RNF214: variants seen among roughly 807,000 people sequenced by gnomAD.
RNF214 encodes ring finger protein 214.
In RNF214, 25 loss-of-function variants were observed where a neutral mutation model predicts 75.9. The ratio of observed to expected loss-of-function variants is 0.33; its 90% CI spans 0.24 to 0.46. RNF214 has a LOEUF of 0.46. Ranked by LOEUF, RNF214 falls within the 20% of genes least tolerant of loss-of-function variation. The pLI is 1.00. For synonymous variants in RNF214, 314 were observed against 308.8 expected, an observed-to-expected ratio of 1.02 and a Z score of -0.18; for missense variants, 725 against 857.5, an observed-to-expected ratio of 0.85 and a Z score of 1.93.
chr11:117,285,073 T>C lies in RNF214; in HGVS notation c.2047-13T>C. 6.3e-7 allele frequency: 1 copy of C among 1,598,224 alleles called. No homozygotes were observed. The highest frequency in any genetic ancestry group is 1.3e-5 in the African/African-American group (1 of 74,664). ...TCCAGATAAACCTGAGGTGTGTCTT[T>C]CTTTCTTTCCAGTGTATCAAATTCT... On this transcript the variant is annotated splice_polypyrimidine_tract_variant and intron_variant, in intron 14 of 14. Transcript: ENST00000300650.
chr11:117,236,550 G>T (rs750081017), intron 2 of RNF214, among the ~76,000 whole-genome samples: 6 of 152,204 alleles, frequency 3.9e-5, no homozygotes, highest in Non-Finnish European at 7.3e-5. Flanking sequence ...GGGATTACAG[G>T]CATGAGCCAC....
At chr11:117,256,443 G>A (rs12575964) in intron 6 of RNF214, among the ~76,000 whole-genome samples, 15,195 of 152,190 alleles carry the variant, frequency 0.1, 1,379 homozygotes, top group East Asian at 0.44. Context: ...CTCCGGTCAG[G>A]TTGTGGCTGG....
chr11:117,239,759 G>T (rs1241657962), intron 3 of RNF214, 42 bp from the exon 4 acceptor site: 1 of 1,088,382 alleles, frequency 9.2e-7, no homozygotes, highest in East Asian at 2.4e-5. Context: ...CTCTTTTAAA[G>T]TGTCTCTGAA....
At chr11:117,263,368 T>C (rs555862) in intron 6 of RNF214, among the ~76,000 whole-genome samples, 1 of 151,562 alleles carries the variant, frequency 6.6e-6, no homozygotes, top group African/African-American at 2.4e-5. Context: ...CTCCGCCTAC[T>C]GGGTGCAAGC....
chr11:117,274,247 G>A (rs2033965982), intron 6 of RNF214, among the ~76,000 whole-genome samples: 1 of 151,836 alleles, frequency 6.6e-6, no homozygotes, highest in African/African-American at 2.4e-5. Flanking sequence ...AGAACTCAGT[G>A]GTGGGTAACT....
intron 1 of RNF214, among the ~76,000 whole-genome samples, chr11:117,233,567 G>A (rs1373821001): frequency 6.6e-6 from 1 of 152,174 alleles, no homozygotes; most frequent in Admixed American, 6.5e-5. Context: ...ATGACCTTTT[G>A]ATTTTTAAAA....
rs2034230190 is a variant in RNF214 at position 117,285,265 on chromosome 11, T to G, written c.*114T>G. ...GACATATACTCATGCCATGTACATT[T>G]TTATTATATAGGTAATGTGTGTATA... On this transcript the variant is annotated 3_prime_UTR_variant, in exon 15 of 15. Transcript: ENST00000300650. 1.4e-6 allele frequency: 1 copy of G among 706,550 alleles called. No individual in the cohort carries two copies. Among genetic ancestry groups the G allele is most frequent in the Non-Finnish European group, 2.5e-6 (1 of 397,002 alleles). 43.8% of individuals were successfully genotyped at this position (706,550 alleles called of 1,614,324 possible). A position where few individuals can be genotyped will look rare whatever the true frequency, so the allele number is the denominator to read the frequency against.
At chr11:117,275,467 C>T (rs982012717) in intron 6 of RNF214, among the ~76,000 whole-genome samples, 2 of 152,128 alleles carry the variant, frequency 1.3e-5, no homozygotes, top group Non-Finnish European at 1.5e-5. Flanking sequence ...AAAGTTGTTT[C>T]TTTGAAACGA....
rs1400763795 is a variant in RNF214, at chr11:117,281,878, C to G, written c.1336-16C>G. On this transcript the variant is annotated splice_polypyrimidine_tract_variant and intron_variant, in intron 10 of 14. Transcript: ENST00000300650. Reference sequence around the variant, plus strand: ...TCTTCCTTTCTCTCTCGTCCTCTACCTCTTCTCCTCTGCAGACAGACTTCA... The same window carrying G: ...TCTTCCTTTCTCTCTCGTCCTCTACGTCTTCTCCTCTGCAGACAGACTTCA... 2 of 1,609,936 alleles carry G rather than the reference C, an allele frequency of 1.2e-6. No individual in the cohort carries two copies. Among genetic ancestry groups the G allele is most frequent in the Admixed American group, 1.7e-5 (1 of 59,632 alleles).
chr11:117,282,469 T>C lies in RNF214; in HGVS notation c.1778T>C (p.Met593Thr). Residue 593 changes from methionine to threonine, a missense_variant, in exon 12 of 15, where the codon ATG (methionine) becomes ACG (threonine). Physicochemically the swap from Met to Thr is moderately conservative, Grantham distance 81. Transcript: ENST00000300650. ...TARTTMAGLTMEELIQLVAAR... is the reference protein window; with the variant it reads ...TARTTMAGLTTEELIQLVAAR... The stretch of plus-strand genomic sequence containing the variant: ...CGTACCACCATGGCAGGCCTGACCA[T>C]GGAGGAACTTATCCAGTTGGTTGCT... The C allele has an allele frequency of 6.2e-7, 1 of 1,614,164 alleles. No homozygotes were observed. Among genetic ancestry groups the C allele is most frequent in the Non-Finnish European group, 8.5e-7 (1 of 1,180,018 alleles).
Position 117,264,507 on chromosome 11 carries a change from T to A in RNF214, c.960-15401T>A, listed in dbSNP as rs143622843. On this transcript the variant is annotated intron_variant, in intron 6 of 14. Coordinates refer to ENST00000300650, the MANE Select transcript of RNF214 (RefSeq NM_207343.4). Reference sequence around the variant, plus strand: ...AGTTGTATTTTGGATACACCTACTATGTACCCACAAAAATTAAAAATTAAA... The same window carrying A: ...AGTTGTATTTTGGATACACCTACTAAGTACCCACAAAAATTAAAAATTAAA... Among the ~76,000 whole-genome samples the A allele has an allele frequency of 4.4e-3, 670 of 152,248 alleles. 2 individuals are homozygous for A. The highest frequency in any genetic ancestry group is 0.015 in the African/African-American group (637 of 41,558).
chr11:117,283,912 C>G (rs2034185105), intron 14 of RNF214, among the ~76,000 whole-genome samples: 1 of 152,138 alleles, frequency 6.6e-6, no homozygotes, highest in Non-Finnish European at 1.5e-5. Context: ...CTGCCTCAGC[C>G]TCCCAAAGTG....
At chr11:117,250,881 TTCA>T (rs1354701856) in intron 6 of RNF214, among the ~76,000 whole-genome samples, 2 of 147,804 alleles carry the variant, frequency 1.4e-5, no homozygotes, top group African/African-American at 5.0e-5. Context: ...CCTTAATCCA[TTCA>T]ACCCTGAGTG....
At chr11:117,271,810 G>A (rs1184034517) in intron 6 of RNF214, among the ~76,000 whole-genome samples, 1 of 151,964 alleles carries the variant, frequency 6.6e-6, no homozygotes, top group Admixed American at 6.6e-5. Flanking sequence ...AGTTTGAGGT[G>A]TTTTTTTGTT....
At chr11:117,262,937 G>A (rs1193597417) in intron 6 of RNF214, among the ~76,000 whole-genome samples, 1 of 152,034 alleles carries the variant, frequency 6.6e-6, no homozygotes, top group Non-Finnish European at 1.5e-5. Flanking sequence ...CTCGTGAGAA[G>A]CTGTGACTAC....
At chr11:117,277,508 C>A (rs1217858552) in intron 6 of RNF214, among the ~76,000 whole-genome samples, 2 of 151,974 alleles carry the variant, frequency 1.3e-5, no homozygotes, top group East Asian at 3.9e-4. Context: ...ACACACACAC[C>A]CTCTCTACCT....
chr11:117,257,448 A>G (rs2033551710), intron 6 of RNF214, among the ~76,000 whole-genome samples: 1 of 152,204 alleles, frequency 6.6e-6, no homozygotes, highest in Non-Finnish European at 1.5e-5. Flanking sequence ...AAAAAATAAC[A>G]TCACCGTTGG....
intron 6 of RNF214, among the ~76,000 whole-genome samples, chr11:117,273,669 A>T (rs1233532762): frequency 6.6e-6 from 1 of 152,172 alleles, no homozygotes; most frequent in African/African-American, 2.4e-5. Flanking sequence ...AGGACATGGG[A>T]GGAGACCCTC....
Position 117,281,635 on chromosome 11 carries a change from C to T in RNF214, c.1272C>T (p.Asn424=), listed in dbSNP as rs182447283. The T allele has an allele frequency of 1.1e-5, 17 of 1,613,102 alleles. No homozygotes were observed. Among genetic ancestry groups the T allele is most frequent in the African/African-American group, 6.7e-5 (5 of 74,830 alleles). The stretch of plus-strand genomic sequence containing the variant: ...ATAGTCATATCCAGTTAGTGAGGAA[C>T]GGAGCCAAGCTGAGCAGCCTTCCTC... ...QFNSHIQLVR[N]GAKLSSLPQI... Residue 424 remains asparagine, a synonymous_variant, in exon 10 of 15, where the codon AAC becomes AAT. Transcript: ENST00000300650.
Sources: allele counts gnomAD v4.1 joint callset (sites outside exome capture counted in the v4.1 genomes callset), GRCh38; gene constraint gnomAD v4.1.1; transcripts MANE v1.5; gene names NCBI Gene and HGNC (gene_info 2026-07-23, HGNC 2026-07-21).